CADPS: variants seen among roughly 807,000 people sequenced by gnomAD.
CADPS encodes calcium-dependent secretion activator 1.
A neutral mutation model predicts 167.3 loss-of-function variants in CADPS; 57 were observed. The observed-to-expected ratio is 0.34, with a 90% confidence interval of 0.28 to 0.42. The LOEUF is 0.42. Among genes scored for constraint, CADPS ranks in the 20% least tolerant of loss-of-function variants. CADPS has a pLI of 1.00. For missense variants in CADPS, 1,414 were observed against 1,738.1 expected, an observed-to-expected ratio of 0.81 and a Z score of 3.32; for synonymous variants, 676 against 635.3, an observed-to-expected ratio of 1.06 and a Z score of -0.96.
intron 2 of CADPS, 59 bp downstream of exon 2, chr3:62,765,812 A>G: frequency 1.8e-6 from 2 of 1,126,972 alleles, no homozygotes; most frequent in Non-Finnish European, 1.3e-6. Flanking sequence ...CCTGCAGCTC[A>G]GACTCCCCAG....
intron 28 of CADPS, among the ~76,000 whole-genome samples, chr3:62,424,597 G>A (rs2149480563): frequency 6.6e-6 from 1 of 152,320 alleles, no homozygotes; most frequent in Admixed American, 6.5e-5. Context: ...GGCTTCAGAT[G>A]CTCAATAAGG....
At chr3:62,596,200 ATTTT>A (rs11361617) in intron 6 of CADPS, among the ~76,000 whole-genome samples, 1 of 136,752 alleles carries the variant, frequency 7.3e-6, no homozygotes. Flanking sequence ...ACAGAGTGCT[ATTTT>A]TTTTTTTTTT....
At chr3:62,452,355 AAG>A (rs2058165101) in intron 26 of CADPS, among the ~76,000 whole-genome samples, 1 of 127,988 alleles carries the variant, frequency 7.8e-6, no homozygotes, top group South Asian at 2.7e-4. Context: ...AAGAAAATAC[AAG>A]TAACATTCAA....
chr3:62,637,855 C>A (rs929712723), intron 6 of CADPS, among the ~76,000 whole-genome samples: 2 of 151,976 alleles, frequency 1.3e-5, no homozygotes, highest in African/African-American at 4.8e-5. Context: ...ACAATAGTAC[C>A]TATCTCATAG....
At chr3:62,593,293 A>T (rs2086482071) in intron 6 of CADPS, among the ~76,000 whole-genome samples, 2 of 152,160 alleles carry the variant, frequency 1.3e-5, no homozygotes, top group African/African-American at 4.8e-5. Flanking sequence ...ATTGGAAGGG[A>T]GAAGGATGAG....
chr3:62,445,147 A>G (rs1203151447), intron 27 of CADPS, among the ~76,000 whole-genome samples: 1 of 152,186 alleles, frequency 6.6e-6, no homozygotes, highest in Non-Finnish European at 1.5e-5. Flanking sequence ...TTTAAATGTA[A>G]ATTTTGGGAA....
rs187860167 is a variant in CADPS, at chr3:62,856,814, C to T, written c.441+17775G>A. ...CTAGTCAACTGAAAGGTCATTCATA[C>T]GTCATTCATTACACCAATACAAATT... is the stretch of plus-strand genomic sequence containing the variant. On this transcript the variant is annotated intron_variant, in intron 1 of 29. Coordinates refer to ENST00000383710, the MANE Select transcript of CADPS (RefSeq NM_003716.4). Among the ~76,000 whole-genome samples, 273 of 151,118 alleles carry T rather than the reference C, an allele frequency of 1.8e-3. 1 individual carries two copies. Among genetic ancestry groups the T allele is most frequent in the African/African-American group, 5.8e-3 (237 of 41,210 alleles).
intron 8 of CADPS, among the ~76,000 whole-genome samples, chr3:62,572,458 G>A (rs17066613): frequency 0.014 from 2,078 of 152,078 alleles, 49 homozygotes; most frequent in African/African-American, 0.046. Context: ...TCCTGGAAAC[G>A]AGACAGAGCT....
At chr3:62,504,767 C>G (rs2066350897) in intron 17 of CADPS, among the ~76,000 whole-genome samples, 1 of 152,068 alleles carries the variant, frequency 6.6e-6, no homozygotes. Context: ...TGCTTGGCTT[C>G]CAGAGAGAGA....
At chr3:62,789,225 C>T (rs1038165001) in intron 1 of CADPS, among the ~76,000 whole-genome samples, 6 of 152,072 alleles carry the variant, frequency 3.9e-5, no homozygotes, top group Non-Finnish European at 8.8e-5. Context: ...ATGTACTATC[C>T]TGGGGGTTCT....
chr3:62,784,075 G>A (rs959281505), intron 1 of CADPS, among the ~76,000 whole-genome samples: 3 of 152,140 alleles, frequency 2.0e-5, no homozygotes, highest in Non-Finnish European at 4.4e-5. Context: ...TGTACATGAT[G>A]ACGCTTATCT....
chr3:62,486,333 T>C (rs2062809954), intron 21 of CADPS, among the ~76,000 whole-genome samples: 1 of 149,888 alleles, frequency 6.7e-6, no homozygotes, highest in African/African-American at 2.5e-5. Flanking sequence ...TAGTCCCAGC[T>C]ACTTGGGAGG....
intron 1 of CADPS, among the ~76,000 whole-genome samples, chr3:62,773,582 A>G (rs1318255486): frequency 2.0e-5 from 3 of 152,174 alleles, no homozygotes; most frequent in African/African-American, 7.2e-5. Context: ...TCCCATGAGT[A>G]TGTCCTCCCC....
At chr3:62,400,616 T>C (rs1296063632) in intron 29 of CADPS, among the ~76,000 whole-genome samples, 15 of 148,348 alleles carry the variant, frequency 1.0e-4, no homozygotes, top group African/African-American at 3.5e-4. Context: ...TTTTTTTTTT[T>C]CAAGATGGCA....
At chr3:62,431,318 C>T (rs141904094) in intron 28 of CADPS, among the ~76,000 whole-genome samples, 6 of 152,166 alleles carry the variant, frequency 3.9e-5, no homozygotes, top group Non-Finnish European at 8.8e-5. Context: ...TGCCTTATTC[C>T]AGTAGTTAAA....
chr3:62,861,132 C>T (rs971573390), intron 1 of CADPS, among the ~76,000 whole-genome samples: 10 of 152,156 alleles, frequency 6.6e-5, no homozygotes, highest in African/African-American at 2.4e-4. Context: ...ACTCCATCTG[C>T]ATCCTTTAGG....
At chr3:62,772,506 T>C (rs540407004) in intron 1 of CADPS, among the ~76,000 whole-genome samples, 3 of 152,366 alleles carry the variant, frequency 2.0e-5, no homozygotes, top group African/African-American at 7.2e-5. Flanking sequence ...ATCTATCTCA[T>C]GACCATCCAG....
At chr3:62,430,825 G>A (rs2053773735) in intron 28 of CADPS, among the ~76,000 whole-genome samples, 1 of 151,858 alleles carries the variant, frequency 6.6e-6, no homozygotes, top group African/African-American at 2.4e-5. Context: ...TATTCTTTTT[G>A]GGAAATGACA....
At chr3:62,813,990 A>G (rs1261331925) in intron 1 of CADPS, among the ~76,000 whole-genome samples, 1 of 152,156 alleles carries the variant, frequency 6.6e-6, no homozygotes, top group African/African-American at 2.4e-5. Context: ...GTGGCCATAT[A>G]TCTCTCTTAT....
Sources: allele counts gnomAD v4.1 joint callset (sites outside exome capture counted in the v4.1 genomes callset), GRCh38; gene constraint gnomAD v4.1.1; transcripts MANE v1.5; gene names NCBI Gene and HGNC (gene_info 2026-07-23, HGNC 2026-07-21).